FMN2: variants seen among roughly 807,000 people sequenced by gnomAD.
FMN2 encodes formin-2.
Under a neutral mutation model 142.3 loss-of-function variants are expected in FMN2, and 51 were observed. The observed-to-expected ratio is 0.36, with a 90% CI of 0.29 to 0.45. The LOEUF is 0.45. Ranked by LOEUF, FMN2 falls within the 20% of genes least tolerant of loss-of-function variation. FMN2 has a pLI of 1.00. For missense variants in FMN2, 1,936 were observed against 2,122.8 expected, an observed-to-expected ratio of 0.91 and a Z score of 1.73; for synonymous variants, 882 against 869.8, an observed-to-expected ratio of 1.01 and a Z score of -0.25.
At chr1:240,126,375 C>T (rs571893959) in intron 2 of FMN2, among the ~76,000 whole-genome samples, 1 of 149,434 alleles carries the variant, frequency 6.7e-6, no homozygotes, top group Non-Finnish European at 1.5e-5. Flanking sequence ...CCCCCCCCCA[C>T]TTTGTTCCCT....
rs1226691976 is a variant in FMN2 at position 240,277,945 on chromosome 1, C to T, written c.4154-16877C>T. ...AATATTGAGTTCGTTAAAAATGGAA[C>T]TCAAATGTTTATTTAAATTCTAAGA... is the stretch of plus-strand genomic sequence containing the variant. On this transcript the variant is annotated intron_variant, in intron 7 of 17. Coordinates refer to ENST00000319653, the MANE Select transcript of FMN2 (RefSeq NM_020066.5). 5.9e-5 allele frequency among the ~76,000 whole-genome samples: 9 copies of T among 152,156 alleles called. 1 individual carries two copies. The Middle Eastern group carries it at 0.01, about 173-fold the overall frequency.
intron 6 of FMN2, among the ~76,000 whole-genome samples, chr1:240,233,055 G>A (rs1464677781): frequency 6.6e-6 from 1 of 152,108 alleles, no homozygotes; most frequent in Non-Finnish European, 1.5e-5. Context: ...CACTGTAACA[G>A]CCACTTAATA....
chr1:240,152,631 T>G (rs1663837691), intron 2 of FMN2, among the ~76,000 whole-genome samples: 1 of 152,188 alleles, frequency 6.6e-6, no homozygotes, highest in Non-Finnish European at 1.5e-5. Context: ...TGTGCCTACT[T>G]CTGGGATGAG....
At chr1:240,402,962 G>A (rs973897672) in intron 15 of FMN2, among the ~76,000 whole-genome samples, 8 of 152,074 alleles carry the variant, frequency 5.3e-5, no homozygotes, top group African/African-American at 1.7e-4. Flanking sequence ...GACTTTTGAC[G>A]TAGAAAAAGA....
chr1:240,406,105 T>G (rs1333177323), intron 15 of FMN2, among the ~76,000 whole-genome samples: 2 of 59,014 alleles, frequency 3.4e-5, no homozygotes, highest in Non-Finnish European at 6.1e-5. Flanking sequence ...GCCTCGGGAG[T>G]GGGGGAAGCG....
At chr1:240,174,509 C>A (rs1318162653) in intron 2 of FMN2, among the ~76,000 whole-genome samples, 3 of 152,022 alleles carry the variant, frequency 2.0e-5, no homozygotes, top group South Asian at 4.1e-4. Context: ...TGTGTGCCAC[C>A]ATCCCTGGCT....
chr1:240,139,705 T>C (rs555240617), intron 2 of FMN2, among the ~76,000 whole-genome samples: 3 of 152,350 alleles, frequency 2.0e-5, no homozygotes, highest in East Asian at 3.9e-4. Flanking sequence ...CTGAGAGCGC[T>C]GCCCAGATTT....
intron 1 of FMN2, among the ~76,000 whole-genome samples, chr1:240,096,981 C>T (rs545792110): frequency 3.9e-5 from 6 of 152,232 alleles, no homozygotes; most frequent in African/African-American, 9.6e-5. Flanking sequence ...GAAAAAATGG[C>T]GTCTGAAATT....
rs543445573 is a variant in FMN2, at chr1:240,365,490, A to G, written c.4858+9582A>G. On this transcript the variant is annotated intron_variant, in intron 14 of 17. Coordinates refer to ENST00000319653, the MANE Select transcript of FMN2 (RefSeq NM_020066.5). ...AAGTGTATATGTTTTAGATACACAC[A>G]TACATACAACATAAAATTTTGTACT... Among the ~76,000 whole-genome samples, 11 of 152,312 alleles carry G rather than the reference A, an allele frequency of 7.2e-5. No homozygotes were observed. The South Asian group carries it at 1.7e-3, about 23-fold the overall frequency.
Position 240,206,988 on chromosome 1 carries a change from C to T in FMN2, c.2176C>T (p.Leu726Phe), listed in dbSNP as rs774328080. 6.2e-7 allele frequency: 1 copy of T among 1,614,146 alleles called. No homozygotes were observed. Among genetic ancestry groups the T allele is most frequent in the Non-Finnish European group, 8.5e-7 (1 of 1,180,022 alleles). ...TASGDVCLEA[L>F]RLEEKEVRHH... ...CTCAGGCGATGTCTGTCTCGAAGCT[C>T]TCAGGTTAGAAGAAAAGGAAGTACG... Residue 726 changes from leucine (L) to phenylalanine (F), a missense_variant, in exon 5 of 18, where the codon CTC becomes TTC. Around this residue, in one of 8 missense-constraint regions of FMN2, gnomAD observed 478 missense variants for 462.8 expected, o/e 1.03. Transcript: ENST00000319653.
At chr1:240,101,219 C>T (rs182756505) in intron 1 of FMN2, among the ~76,000 whole-genome samples, 1 of 152,136 alleles carries the variant, frequency 6.6e-6, no homozygotes, top group Non-Finnish European at 1.5e-5. Flanking sequence ...TGCTGGGAAG[C>T]GTCTTCCTTC....
chr1:240,393,074 A>G (rs1394730537), intron 15 of FMN2, among the ~76,000 whole-genome samples: 1 of 152,092 alleles, frequency 6.6e-6, no homozygotes, highest in African/African-American at 2.4e-5. Flanking sequence ...GGTTCTGTAG[A>G]AAAAAAGAAC....
chr1:240,173,069 G>C (rs1664774472), intron 2 of FMN2, among the ~76,000 whole-genome samples: 1 of 152,022 alleles, frequency 6.6e-6, no homozygotes, highest in Non-Finnish European at 1.5e-5. Flanking sequence ...CCGAGTAGCT[G>C]GGACTACAGG....
chr1:240,209,057 A>G (rs1558366560), intron 5 of FMN2, among the ~76,000 whole-genome samples: 1 of 152,148 alleles, frequency 6.6e-6, no homozygotes, highest in Non-Finnish European at 1.5e-5. Context: ...TAGTTGTAAG[A>G]CTGCTACTTA....
chr1:240,263,485 T>C (rs115084986), intron 7 of FMN2, among the ~76,000 whole-genome samples: 2,851 of 152,286 alleles, frequency 0.019, 70 homozygotes, highest in African/African-American at 0.065. Flanking sequence ...GGAGCATCTC[T>C]AAGAGATTGC....
chr1:240,092,863 T>C lies in FMN2; in HGVS notation c.754T>C (p.Phe252Leu), dbSNP rs1661041339. Residue 252 changes from phenylalanine to leucine, a missense_variant, in exon 1 of 18, where the codon TTC (phenylalanine) becomes CTC (leucine). By Grantham distance (22) the Phe-to-Leu change is conservative. Around this residue, in one of 8 missense-constraint regions of FMN2, gnomAD observed 751 missense variants for 791.8 expected, o/e 0.95. Transcript: ENST00000319653. Reference sequence around the variant, plus strand: ...CGGGGCCTTCCTGGGCCTGGACCGGTTCCTGCTGGGGCCGAGCGGCGGGGC... The same window carrying C: ...CGGGGCCTTCCTGGGCCTGGACCGGCTCCTGCTGGGGCCGAGCGGCGGGGC... Reference protein sequence around the residue: ...QPGAFLGLDRFLLGPSGGAGE... With the variant: ...QPGAFLGLDRLLLGPSGGAGE... 1 of 1,542,120 alleles carries C rather than the reference T, an allele frequency of 6.5e-7. No homozygotes were observed. The highest frequency in any genetic ancestry group is 8.7e-7 in the Non-Finnish European group (1 of 1,147,676).
intron 14 of FMN2, among the ~76,000 whole-genome samples, chr1:240,372,462 TTTC>T (rs1335873197): frequency 6.6e-6 from 1 of 151,928 alleles, no homozygotes; most frequent in Non-Finnish European, 1.5e-5. Flanking sequence ...CCTCCAATGA[TTTC>T]TTATTTTTTT....
At chr1:240,316,075 G>A (rs1242225908) in intron 8 of FMN2, among the ~76,000 whole-genome samples, 1 of 152,098 alleles carries the variant, frequency 6.6e-6, no homozygotes, top group Non-Finnish European at 1.5e-5. Context: ...TGTGTGCCAG[G>A]CACTGTTCTA....
intron 8 of FMN2, among the ~76,000 whole-genome samples, chr1:240,320,964 G>A (rs1172636087): frequency 1.3e-5 from 2 of 151,988 alleles, no homozygotes; most frequent in African/African-American, 2.4e-5. Context: ...CTCTCACAGG[G>A]GGAAAAAGTC....
Sources: allele counts gnomAD v4.1 joint callset (sites outside exome capture counted in the v4.1 genomes callset), GRCh38; gene constraint gnomAD v4.1.1; regional missense constraint gnomAD v4.1.1; transcripts MANE v1.5; gene names NCBI Gene and HGNC (gene_info 2026-07-23, HGNC 2026-07-21).